TSGA10: variants seen among roughly 807,000 people sequenced by gnomAD.
The protein encoded by TSGA10 is testis-specific gene 10 protein.
Under a neutral mutation model 96.6 loss-of-function variants are expected in TSGA10, and 43 were observed. That is an observed-to-expected ratio of 0.44 (90% confidence interval 0.35 to 0.57). The LOEUF is 0.57. TSGA10 is among the 20% of genes least tolerant of loss of function. The pLI, the probability that TSGA10 is intolerant of heterozygous loss-of-function variation, is 0.01. For missense variants in TSGA10, 703 were observed against 834.4 expected, an observed-to-expected ratio of 0.84 and a Z score of 1.94; for synonymous variants, 229 against 269.9, an observed-to-expected ratio of 0.85 and a Z score of 1.48.
rs190180379 is a variant in TSGA10 at position 98,999,516 on chromosome 2, G to A, written c.2073-1295C>T. Among the ~76,000 whole-genome samples, 13 of 152,190 alleles carry A rather than the reference G, an allele frequency of 8.5e-5. No homozygotes were observed. In the East Asian group the frequency reaches 2.5e-3, roughly 29 times the overall value. On this transcript the variant is annotated intron_variant, in intron 20 of 20. Transcript: ENST00000393483. ...TTTGAAACTGAGAGTAAAAGATTAA[G>A]TGAGAAAAAAGGTGATTAAGGGCAT...
chr2:99,154,299 CT>C (rs2093725503), intron 1 of TSGA10: 1 of 152,214 alleles, frequency 6.6e-6, no homozygotes, highest in Non-Finnish European at 1.5e-5. Context: ...ACCTTGCTAC[CT>C]TGACTGCTGG....
intron 15 of TSGA10, among the ~76,000 whole-genome samples, chr2:99,067,595 G>T (rs2085408085): frequency 6.6e-6 from 1 of 152,142 alleles, no homozygotes; most frequent in Non-Finnish European, 1.5e-5. Context: ...GCTCATGCCT[G>T]TAATCCCAGC....
At chr2:99,103,183 A>C (rs1259393047) in intron 10 of TSGA10, among the ~76,000 whole-genome samples, 1 of 151,988 alleles carries the variant, frequency 6.6e-6, no homozygotes, top group East Asian at 1.9e-4. Flanking sequence ...TTTCTTTCTT[A>C]AGTTCCGGGG....
chr2:99,050,651 T>G (rs2083305290), intron 16 of TSGA10, among the ~76,000 whole-genome samples: 1 of 152,040 alleles, frequency 6.6e-6, no homozygotes, highest in Admixed American at 6.5e-5. Context: ...ACACCAATAA[T>G]TCACAAAATG....
intron 12 of TSGA10, among the ~76,000 whole-genome samples, chr2:99,075,414 T>A (rs535222410): frequency 1.3e-5 from 2 of 152,320 alleles, no homozygotes; most frequent in African/African-American, 4.8e-5. Flanking sequence ...CCCAAAAATC[T>A]ATGAAGTTGC....
chr2:99,074,284 G>C (rs529028264), intron 12 of TSGA10, among the ~76,000 whole-genome samples: 1 of 151,960 alleles, frequency 6.6e-6, no homozygotes, highest in Non-Finnish European at 1.5e-5. Flanking sequence ...AAAGTGCTGG[G>C]ATTACAGGCG....
At chr2:99,043,371 G>A (rs1057014552) in intron 16 of TSGA10, among the ~76,000 whole-genome samples, 3 of 151,964 alleles carry the variant, frequency 2.0e-5, no homozygotes, top group African/African-American at 7.2e-5. Context: ...GAAGAAAAAT[G>A]AACAAACCTC....
intron 16 of TSGA10, among the ~76,000 whole-genome samples, chr2:99,046,862 T>C (rs569389249): frequency 1.3e-5 from 2 of 152,132 alleles, no homozygotes; most frequent in Admixed American, 1.3e-4. Flanking sequence ...AAGAATCAAA[T>C]AGACGCAATA....
At chr2:99,104,322 T>TA (rs1292460765) in intron 9 of TSGA10, among the ~76,000 whole-genome samples, 1 of 152,196 alleles carries the variant, frequency 6.6e-6, no homozygotes, top group African/African-American at 2.4e-5. Context: ...AAGTAAAGCT[T>TA]ATCACAGTAT....
chr2:99,096,824 T>C (rs561440184), intron 10 of TSGA10, among the ~76,000 whole-genome samples: 76 of 152,378 alleles, frequency 5.0e-4, no homozygotes, highest in African/African-American at 1.7e-3. Flanking sequence ...TCATGATTTA[T>C]ATCTGTTATT....
intron 16 of TSGA10, among the ~76,000 whole-genome samples, chr2:99,048,564 T>G (rs539498217): frequency 7.4e-4 from 112 of 152,116 alleles, no homozygotes; most frequent in Non-Finnish European, 1.5e-3. Context: ...TCCTTACACC[T>G]TATACAAAAA....
chr2:99,026,305 A>G (rs556597100), intron 17 of TSGA10, among the ~76,000 whole-genome samples: 1 of 152,300 alleles, frequency 6.6e-6, no homozygotes, highest in Admixed American at 6.5e-5. Flanking sequence ...TTACATCTAT[A>G]TATGTCACAA....
chr2:99,081,620 G>T (rs539969634), intron 10 of TSGA10, among the ~76,000 whole-genome samples: 2 of 152,256 alleles, frequency 1.3e-5, no homozygotes, highest in African/African-American at 4.8e-5. Context: ...TAGCATTTTG[G>T]TCATAATACC....
At chr2:99,067,382 C>T (rs919802339) in intron 15 of TSGA10, among the ~76,000 whole-genome samples, 1 of 152,160 alleles carries the variant, frequency 6.6e-6, no homozygotes, top group Non-Finnish European at 1.5e-5. Context: ...CCCAGCACTT[C>T]GGAAGGCCGA....
At chr2:99,075,748 C>CT (rs2086634503) in intron 12 of TSGA10, among the ~76,000 whole-genome samples, 1 of 151,992 alleles carries the variant, frequency 6.6e-6, no homozygotes, top group South Asian at 2.1e-4. Context: ...CTCAATATTG[C>CT]TTGTGAAGGA....
Position 99,107,928 on chromosome 2 carries a change from C to T in TSGA10, c.210+905G>A, listed in dbSNP as rs183603081. On this transcript the variant is annotated intron_variant, in intron 7 of 20. Coordinates refer to ENST00000393483, the MANE Select transcript of TSGA10 (RefSeq NM_025244.4). The stretch of plus-strand genomic sequence containing the variant: ...TCCCTTCTCCACTGACACATACCCT[C>T]TATTCTAGTCTTAAACCAATTTATT... Among the ~76,000 whole-genome samples, 5 of 152,252 alleles carry T rather than the reference C, an allele frequency of 3.3e-5. No individual in the cohort carries two copies. The East Asian group carries it at 9.7e-4, about 29-fold the overall frequency.
At chr2:99,138,592 G>T (rs1465456823) in intron 1 of TSGA10, among the ~76,000 whole-genome samples, 2 of 152,234 alleles carry the variant, frequency 1.3e-5, no homozygotes, top group Non-Finnish European at 2.9e-5. Context: ...AATGGAAAAT[G>T]TAAACTTCTT....
intron 2 of TSGA10, chr2:99,126,331 T>C (rs2092822497): frequency 6.6e-6 from 1 of 152,288 alleles, no homozygotes; most frequent in South Asian, 2.1e-4. Flanking sequence ...TCTTCGGTCT[T>C]TCTTTTGTGC....
At chr2:99,130,689 T>G (rs2093037572) in intron 1 of TSGA10, among the ~76,000 whole-genome samples, 1 of 152,248 alleles carries the variant, frequency 6.6e-6, no homozygotes, top group Non-Finnish European at 1.5e-5. Flanking sequence ...AGTCATGAAG[T>G]CTTTGCCCAT....
Sources: gnomAD v4.1 joint callset for allele counts (sites outside exome capture counted in the v4.1 genomes callset) on GRCh38, gnomAD v4.1.1 for gene constraint, MANE v1.5 for transcripts, NCBI Gene and HGNC (gene_info 2026-07-23, HGNC 2026-07-21) for gene names.